UBR3: variants seen among roughly 807,000 people sequenced by gnomAD.
The protein encoded by UBR3 is ubiquitin protein ligase E3 component n-recognin 3.
Under a neutral mutation model 243.2 loss-of-function variants are expected in UBR3, and 85 were observed. The observed-to-expected ratio is 0.35, with a 90% CI of 0.29 to 0.42. The LOEUF is 0.42. Among genes scored for constraint, UBR3 ranks in the 10% least tolerant of loss-of-function variants. The pLI, the probability that UBR3 is intolerant of heterozygous loss-of-function variation, is 1.00. For synonymous variants in UBR3, 748 were observed against 799.8 expected, an observed-to-expected ratio of 0.94 and a Z score of 1.09; for missense variants, 1,686 against 2,300.8, an observed-to-expected ratio of 0.73 and a Z score of 5.47.
chr2:169,902,516 G>A (rs945449503), intron 8 of UBR3, among the ~76,000 whole-genome samples: 6 of 148,480 alleles, frequency 4.0e-5, no homozygotes, highest in Middle Eastern at 3.5e-3. Flanking sequence ...TCCGCGTATA[G>A]CACCATCTGC....
At chr2:169,942,136 C>A (rs779904916) in intron 19 of UBR3, among the ~76,000 whole-genome samples, 2 of 152,148 alleles carry the variant, frequency 1.3e-5, no homozygotes, top group Non-Finnish European at 2.9e-5. Context: ...CTTTTCCAAC[C>A]ATTCGTAGTG....
chr2:169,855,655 A>T (rs1336243395), intron 1 of UBR3, among the ~76,000 whole-genome samples: 1 of 152,214 alleles, frequency 6.6e-6, no homozygotes, highest in Non-Finnish European at 1.5e-5. Flanking sequence ...TTCAGAGAGC[A>T]CGGGGTTGGG....
At chr2:169,998,594 C>G (rs2089582710) in intron 26 of UBR3, among the ~76,000 whole-genome samples, 1 of 152,142 alleles carries the variant, frequency 6.6e-6, no homozygotes, top group South Asian at 2.1e-4. Flanking sequence ...CTGAATTACT[C>G]TAAACATAAG....
chr2:169,844,646 A>G (rs984560255), intron 1 of UBR3, among the ~76,000 whole-genome samples: 1 of 151,852 alleles, frequency 6.6e-6, no homozygotes, highest in Non-Finnish European at 1.5e-5. Context: ...GGTGTGCACC[A>G]CTGCGCCTAG....
chr2:169,951,060 C>G (rs1336276700), intron 23 of UBR3, among the ~76,000 whole-genome samples: 1 of 151,912 alleles, frequency 6.6e-6, no homozygotes, highest in Non-Finnish European at 1.5e-5. Context: ...ATTTGTCTAC[C>G]AAAGCAACAA....
At chr2:169,976,428 CT>C (rs2088447220) in intron 24 of UBR3, among the ~76,000 whole-genome samples, 1 of 151,824 alleles carries the variant, frequency 6.6e-6, no homozygotes, top group African/African-American at 2.4e-5. Context: ...CTGAGCATTT[CT>C]TGTAAGTTTG....
intron 24 of UBR3, among the ~76,000 whole-genome samples, chr2:169,967,244 C>CCCCCCCG (rs2087858630): frequency 8.9e-6 from 1 of 112,180 alleles, no homozygotes; most frequent in Non-Finnish European, 1.9e-5. Flanking sequence ...CCCCCACCCC[C>CCCCCCCG]CTACAGGGTA....
intron 35 of UBR3, among the ~76,000 whole-genome samples, chr2:170,072,292 AATC>A (rs2091714976): frequency 6.6e-6 from 1 of 152,144 alleles, no homozygotes; most frequent in Non-Finnish European, 1.5e-5. Flanking sequence ...TGAAATTGGA[AATC>A]ATCATTCTCA....
At chr2:170,017,542 C>CAG (rs1335464913) in intron 30 of UBR3, among the ~76,000 whole-genome samples, 5,928 of 44,276 alleles carry the variant, frequency 0.13, 114 homozygotes, top group Non-Finnish European at 0.19. Flanking sequence ...CACACACACA[C>CAG]ACAGACACAC....
chr2:169,956,827 T>G (rs141775113), intron 23 of UBR3, among the ~76,000 whole-genome samples: 207 of 152,286 alleles, frequency 1.4e-3, no homozygotes, highest in African/African-American at 4.7e-3. Flanking sequence ...TCATATCAGA[T>G]TAATAGAAAA....
intron 1 of UBR3, among the ~76,000 whole-genome samples, chr2:169,842,792 G>A (rs567283904): frequency 3.3e-5 from 5 of 152,316 alleles, no homozygotes; most frequent in East Asian, 1.9e-4. Context: ...CTGTAACACC[G>A]CGAGGGTCCG....
chr2:170,047,223 C>G (rs867230961), intron 32 of UBR3, among the ~76,000 whole-genome samples: 60 of 151,976 alleles, frequency 3.9e-4, no homozygotes, highest in African/African-American at 1.4e-3. Context: ...GTTGCCCAGG[C>G]TGGTCTCGAA....
intron 31 of UBR3, among the ~76,000 whole-genome samples, chr2:170,034,227 T>A (rs1452935580): frequency 6.6e-6 from 1 of 151,984 alleles, no homozygotes; most frequent in Non-Finnish European, 1.5e-5. Context: ...ACTCTTGCTG[T>A]TGAAGATTCT....
In UBR3 at chr2:169,877,629, C is replaced by CTGT. The variant is rs1383767347; in HGVS notation, c.982_984dup (p.Val328dup). ...CCATCTGCTGGTACTAGTTCTCTGG[C>CTGT]TGTTCAAGGTTTGTCTAAATATTTA... On this transcript the variant is annotated inframe_insertion, in exon 4 of 39. Coordinates refer to ENST00000272793, the MANE Select transcript of UBR3 (RefSeq NM_172070.4). 8 of 1,541,400 alleles carry CTGT rather than the reference C, an allele frequency of 5.2e-6. No individual in the cohort carries two copies. The highest frequency in any genetic ancestry group is 7.0e-6 in the Non-Finnish European group (8 of 1,144,914).
intron 32 of UBR3, among the ~76,000 whole-genome samples, chr2:170,054,862 T>C (rs1203708842): frequency 6.6e-6 from 1 of 152,186 alleles, no homozygotes; most frequent in African/African-American, 2.4e-5. Context: ...TCCACAGCTA[T>C]TCCAAGGTTG....
intron 8 of UBR3, among the ~76,000 whole-genome samples, chr2:169,897,492 TAC>T (rs1237025932): frequency 2.0e-5 from 3 of 152,048 alleles, no homozygotes; most frequent in African/African-American, 7.2e-5. Flanking sequence ...TATAAATACA[TAC>T]ATAATTTTTA....
chr2:169,971,120 C>G (rs2105376210), intron 24 of UBR3, among the ~76,000 whole-genome samples: 1 of 152,070 alleles, frequency 6.6e-6, no homozygotes, highest in East Asian at 1.9e-4. Flanking sequence ...GCATAAATGT[C>G]TTCTTTTGAG....
chr2:170,015,566 A>G (rs1178602184), intron 30 of UBR3, among the ~76,000 whole-genome samples, 200 bp downstream of exon 30: 1 of 140,620 alleles, frequency 7.1e-6, no homozygotes, highest in Non-Finnish European at 1.5e-5. Flanking sequence ...ATGATTACCT[A>G]GCACATAAAT....
chr2:170,007,236 G>A (rs570748747), intron 28 of UBR3, 46 bp downstream of exon 28: 4 of 1,527,732 alleles, frequency 2.6e-6, no homozygotes, highest in African/African-American at 2.8e-5. Flanking sequence ...ACTCAGCTCT[G>A]ATTTTCTGCT....
Sources: gnomAD v4.1 joint callset for allele counts (sites outside exome capture counted in the v4.1 genomes callset) on GRCh38, gnomAD v4.1.1 for gene constraint, MANE v1.5 for transcripts, NCBI Gene and HGNC (gene_info 2026-07-23, HGNC 2026-07-21) for gene names.